The following RBMS3 variants were observed in gnomAD, a reference collection of about 807,000 sequenced individuals.
The protein encoded by RBMS3 is RNA-binding motif, single-stranded-interacting protein 3.
A neutral mutation model predicts 66.8 loss-of-function variants in RBMS3; 27 were observed. The observed-to-expected ratio is 0.40, with a 90% CI of 0.30 to 0.56. The LOEUF is 0.56. Among genes scored for constraint, RBMS3 ranks in the 20% least tolerant of loss-of-function variants. The probability of loss-of-function intolerance (pLI) is 0.40; values close to 1 mark genes in which losing one functional copy is unlikely to be tolerated. For missense variants in RBMS3, 513 were observed against 549.5 expected (o/e 0.93, Z 0.66); for synonymous variants, 188 against 183.0 (o/e 1.03, Z -0.22).
rs1319329552 is a variant in RBMS3, at chr3:29,816,441, C to A, written c.638-52417C>A. ...TCTGGTTGTATGCCCAAGAGAAACA[C>A]AACACAGATGTTGGTGAACATTTCA... On this transcript the variant is annotated intron_variant, in intron 6 of 14. Coordinates refer to ENST00000383767, the MANE Select transcript of RBMS3 (RefSeq NM_001003793.3). Among the ~76,000 whole-genome samples the A allele has an allele frequency of 2.6e-5, 4 of 152,150 alleles. No individual in the cohort carries two copies. In the East Asian group the frequency reaches 5.8e-4, roughly 22 times the overall value.
intron 3 of RBMS3, among the ~76,000 whole-genome samples, chr3:29,561,297 C>T (rs1167167210): frequency 6.6e-6 from 1 of 152,142 alleles, no homozygotes; most frequent in Non-Finnish European, 1.5e-5. Flanking sequence ...CCAAAGGATA[C>T]TTCTTTAGAC....
intron 6 of RBMS3, among the ~76,000 whole-genome samples, chr3:29,827,844 A>AAAAGATG (rs2058249567): frequency 6.6e-6 from 1 of 152,202 alleles, no homozygotes; most frequent in African/African-American, 2.4e-5. Context: ...AAACAGACCA[A>AAAAGATG]AAAGATGATA....
At chr3:29,514,768 C>T (rs563793584) in intron 3 of RBMS3, among the ~76,000 whole-genome samples, 146 of 142,386 alleles carry the variant, frequency 1.0e-3, no homozygotes, top group African/African-American at 3.3e-3. Context: ...AGCATATATA[C>T]GATAGGCATA....
chr3:29,502,510 G>A (rs981036178), intron 3 of RBMS3, among the ~76,000 whole-genome samples: 1 of 152,054 alleles, frequency 6.6e-6, no homozygotes, highest in Non-Finnish European at 1.5e-5. Flanking sequence ...ACATGTAGTA[G>A]TTCTTATTCT....
intron 8 of RBMS3, among the ~76,000 whole-genome samples, chr3:29,885,091 A>G (rs2059837962): frequency 6.6e-6 from 1 of 151,936 alleles, no homozygotes; most frequent in South Asian, 2.1e-4. Context: ...TATATTATTC[A>G]TTCAGGCAGT....
intron 4 of RBMS3, among the ~76,000 whole-genome samples, chr3:29,606,750 A>G (rs1576347486): frequency 6.6e-6 from 1 of 151,942 alleles, no homozygotes; most frequent in African/African-American, 2.4e-5. Flanking sequence ...CTATTTGTTT[A>G]TTCATTCTTT....
In RBMS3 at chr3:29,587,225, G is replaced by A. The variant is rs773323772; in HGVS notation, c.399+20G>A. The A allele has an allele frequency of 6.7e-5, 26 of 390,454 alleles. No individual in the cohort carries two copies. In the African/African-American group the frequency reaches 1.6e-3, roughly 23 times the overall value. The allele number at this position is 390,454 out of a possible 1,614,324, so 24.2% of individuals were successfully genotyped here. Reference sequence around the variant, plus strand: ...GCTAAGGTAAGATTGATGTTTAGGGGTGTTTTTTTTTTTTTTTTTTTTTTG... The same window carrying A: ...GCTAAGGTAAGATTGATGTTTAGGGATGTTTTTTTTTTTTTTTTTTTTTTG... On this transcript the variant is annotated intron_variant, in intron 4 of 14. Transcript: ENST00000383767.
chr3:29,468,088 C>T (rs770297710), intron 2 of RBMS3, among the ~76,000 whole-genome samples: 4 of 152,096 alleles, frequency 2.6e-5, no homozygotes, highest in Non-Finnish European at 5.9e-5. Flanking sequence ...GTGGTCTCAT[C>T]TATATAAATG....
chr3:29,805,578 C>T (rs2057521707), intron 6 of RBMS3, among the ~76,000 whole-genome samples: 1 of 151,860 alleles, frequency 6.6e-6, no homozygotes. Context: ...ATGATCCTGA[C>T]CCTGTGTAGG....
chr3:29,595,239 A>T (rs1248899479), intron 4 of RBMS3, among the ~76,000 whole-genome samples: 5 of 151,792 alleles, frequency 3.3e-5, no homozygotes, highest in South Asian at 2.1e-4. Context: ...TCTACTAAAA[A>T]TACAAAAAAA....
intron 4 of RBMS3, among the ~76,000 whole-genome samples, chr3:29,702,478 C>T (rs140030786): frequency 9.9e-5 from 15 of 152,150 alleles, no homozygotes; most frequent in Non-Finnish European, 2.1e-4. Flanking sequence ...AGTGGCAACC[C>T]GCCGGGGTCC....
chr3:29,327,296 T>A (rs62241682), intron 1 of RBMS3, among the ~76,000 whole-genome samples: 35,379 of 152,112 alleles, frequency 0.23, 4,439 homozygotes, highest in Middle Eastern at 0.36. Context: ...AATATGCTAC[T>A]AAGAATTGTG....
At chr3:29,422,444 AT>A (rs1385067473) in intron 1 of RBMS3, among the ~76,000 whole-genome samples, 2 of 151,814 alleles carry the variant, frequency 1.3e-5, no homozygotes, top group Non-Finnish European at 2.9e-5. Flanking sequence ...AAAAGAAAAG[AT>A]GCATCTGGAA....
chr3:29,899,050 C>T (rs1165883840), intron 9 of RBMS3, among the ~76,000 whole-genome samples: 3 of 151,614 alleles, frequency 2.0e-5, no homozygotes, highest in Non-Finnish European at 4.4e-5. Context: ...GAGTTCTCCA[C>T]GTGACATTCA....
intron 3 of RBMS3, among the ~76,000 whole-genome samples, chr3:29,566,333 T>G (rs1383233889): frequency 1.3e-5 from 2 of 152,094 alleles, no homozygotes; most frequent in Non-Finnish European, 2.9e-5. Context: ...GAGTGAGTGC[T>G]CCAGTCAAAA....
At chr3:29,439,869 T>C (rs909002572) in intron 2 of RBMS3, among the ~76,000 whole-genome samples, 5 of 152,162 alleles carry the variant, frequency 3.3e-5, no homozygotes, top group Non-Finnish European at 7.3e-5. Context: ...TCCAACTGAT[T>C]ATACAGATTT....
chr3:29,907,917 T>G (rs1394817191), intron 10 of RBMS3, among the ~76,000 whole-genome samples: 1 of 151,988 alleles, frequency 6.6e-6, no homozygotes, highest in African/African-American at 2.4e-5. Flanking sequence ...GTCAGACATG[T>G]TCTCAGGAGG....
intron 2 of RBMS3, among the ~76,000 whole-genome samples, chr3:29,472,445 C>T (rs556148487): frequency 2.0e-5 from 3 of 152,268 alleles, no homozygotes; most frequent in African/African-American, 4.8e-5. Flanking sequence ...ATCTGCCCAC[C>T]TTGGCCTCCC....
At chr3:29,634,492 C>A (rs930565857) in intron 4 of RBMS3, among the ~76,000 whole-genome samples, 1 of 151,832 alleles carries the variant, frequency 6.6e-6, no homozygotes, top group African/African-American at 2.4e-5. Flanking sequence ...GAAACAGCAG[C>A]CCCTCATCAC....
Sources: gnomAD v4.1 joint callset for allele counts (sites outside exome capture counted in the v4.1 genomes callset) on GRCh38, gnomAD v4.1.1 for gene constraint, MANE v1.5 for transcripts, NCBI Gene and HGNC (gene_info 2026-07-23, HGNC 2026-07-21) for gene names.